Variants in HPGD observed in about 807,000 individuals in gnomAD.
HPGD encodes 15-hydroxyprostaglandin dehydrogenase [NAD(+)].
A neutral mutation model predicts 30.0 loss-of-function variants in HPGD; 29 were observed. The ratio of observed to expected loss-of-function variants is 0.97; its 90% confidence interval spans 0.72 to 1.32. The LOEUF is 1.32. Among genes scored for constraint, HPGD ranks in the 40% most tolerant of loss-of-function variants. The pLI, the probability that HPGD is intolerant of heterozygous loss-of-function variation, is 0.00. For missense variants in HPGD, 340 were observed against 322.1 expected (o/e 1.06, Z -0.43); for synonymous variants, 99 against 112.4 (o/e 0.88, Z 0.75).
rs189273380 is a variant in HPGD, at chr4:174,500,825, T to A, written c.422-5201A>T. 2.0e-5 allele frequency among the ~76,000 whole-genome samples: 3 copies of A among 152,320 alleles called. No homozygotes were observed. The East Asian group carries it at 5.8e-4, about 29-fold the overall frequency. ...TTATAGTGGTAGATATATGTTATTA[T>A]ACCTTTGTTCAAGCCTACAGATTGT... On this transcript the variant is annotated intron_variant, in intron 4 of 6. Transcript: ENST00000296522.
chr4:174,499,837 GA>G (rs1403028868), intron 4 of HPGD, among the ~76,000 whole-genome samples: 1 of 147,210 alleles, frequency 6.8e-6, no homozygotes, highest in Non-Finnish European at 1.5e-5. Flanking sequence ...AAACATGCTG[GA>G]AAACTCCAGA....
chr4:174,510,235 A>G (rs1735415901), intron 3 of HPGD, among the ~76,000 whole-genome samples: 1 of 152,036 alleles, frequency 6.6e-6, no homozygotes, highest in African/African-American at 2.4e-5. Flanking sequence ...AAAAAAGGAA[A>G]TTGGAGGTTC....
chr4:174,495,364 A>T, intron 5 of HPGD, 184 bp downstream of exon 5: 2 of 613,352 alleles, frequency 3.3e-6, no homozygotes, highest in Non-Finnish European at 5.8e-6. Context: ...CACTTCATTT[A>T]AAAATGATCT....
In HPGD at chr4:174,522,417, C is replaced by T; in HGVS notation, c.35G>A (p.Gly12Asp). 2 of 1,583,896 alleles carry T rather than the reference C, an allele frequency of 1.3e-6. No individual in the cohort carries two copies. The highest frequency in any genetic ancestry group is 1.1e-5 in the South Asian group (1 of 87,302). The change falls in exon 1 of 7, where the codon GGC becomes GAC. Residue 12 changes from glycine to aspartate, a missense_variant. Transcript: ENST00000296522. The stretch of plus-strand genomic sequence containing the variant: ...GGCTCTGCCTATGCCCTGAGCCGCG[C>T]CGGTCACCAGCGCCACTTTGCCGTT... The part of the protein sequence containing the change: ...HVNGKVALVT[G>D]AAQGIGRAFA...
intron 5 of HPGD, among the ~76,000 whole-genome samples, chr4:174,493,958 C>T (rs1308354096): frequency 6.6e-6 from 1 of 152,154 alleles, no homozygotes; most frequent in African/African-American, 2.4e-5. Flanking sequence ...TGTGGACATG[C>T]ACAGGGCAGT....
chr4:174,502,043 TG>T (rs1213046887), intron 4 of HPGD, among the ~76,000 whole-genome samples: 3 of 152,162 alleles, frequency 2.0e-5, no homozygotes, highest in African/African-American at 7.2e-5. Context: ...AAATAAATGG[TG>T]AATCTAAGGA....
intron 3 of HPGD, among the ~76,000 whole-genome samples, chr4:174,515,136 C>A (rs1735706137): frequency 6.6e-6 from 1 of 152,034 alleles, no homozygotes; most frequent in African/African-American, 2.4e-5. Context: ...AAACTACCAT[C>A]ATCATTTCCA....
intron 4 of HPGD, among the ~76,000 whole-genome samples, chr4:174,498,369 T>C (rs1734742647): frequency 1.3e-5 from 2 of 152,136 alleles, no homozygotes; most frequent in African/African-American, 4.8e-5. Flanking sequence ...ACAATAAAAC[T>C]GCACGTATTG....
At chr4:174,498,188 T>C (rs551368448) in intron 4 of HPGD, among the ~76,000 whole-genome samples, 41 of 152,140 alleles carry the variant, frequency 2.7e-4, no homozygotes, top group African/African-American at 9.6e-4. Flanking sequence ...GCTCAAGCAA[T>C]GCACCTGCCT....
At chr4:174,493,046 G>A in intron 6 of HPGD, 105 bp downstream of exon 6, 1 of 1,061,674 alleles carries the variant, frequency 9.4e-7, no homozygotes, top group South Asian at 1.7e-5. Context: ...TTTGAAGCTT[G>A]TGTTCATTTC....
intron 4 of HPGD, among the ~76,000 whole-genome samples, chr4:174,505,775 G>A (rs970354221): frequency 2.6e-5 from 4 of 152,146 alleles, no homozygotes; most frequent in East Asian, 3.9e-4. Flanking sequence ...CTGGAATTAC[G>A]AAGAGAGGGT....
rs1735315373 is a variant in HPGD at position 174,508,770 on chromosome 4, T to C, written c.347A>G (p.Tyr116Cys). Residue 116 changes from tyrosine to cysteine, a missense_variant, in exon 4 of 7, where the codon TAT becomes TGT. Tyr to Cys is a radical substitution (Grantham distance 194). Transcript: ENST00000296522. ...CTTACTCATGTAATCCAAACCAAGATAGGTTCCACTGATAACAGAAACCTA... is the reference window on the plus strand; with the variant it reads ...CTTACTCATGTAATCCAAACCAAGACAGGTTCCACTGATAACAGAAACCTA... ...INLVSVISGTYLGLDYMSKQN... is the reference protein window; with the variant it reads ...INLVSVISGTCLGLDYMSKQN... 2.5e-6 allele frequency: 4 copies of C among 1,600,424 alleles called. No individual in the cohort carries two copies. The highest frequency in any genetic ancestry group is 3.4e-6 in the Non-Finnish European group (4 of 1,167,956).
At chr4:174,508,095 A>C (rs764979679) in intron 4 of HPGD, 1 of 701,384 alleles carries the variant, frequency 1.4e-6, no homozygotes, top group South Asian at 1.5e-5. Flanking sequence ...GGAATCCAGC[A>C]GTTCTAAAGT....
At chr4:174,507,841 A>C (rs1285650695) in intron 4 of HPGD, 1 of 394,668 alleles carries the variant, frequency 2.5e-6, no homozygotes, top group Admixed American at 3.8e-5. Context: ...TACTACTCTG[A>C]AAATACTATA....
intron 4 of HPGD, among the ~76,000 whole-genome samples, chr4:174,497,881 T>TTC (rs1158301236): frequency 6.7e-6 from 1 of 148,800 alleles, no homozygotes; most frequent in South Asian, 2.1e-4. Flanking sequence ...CGGCCTCACT[T>TTC]TCTCTCTCTC....
intron 4 of HPGD, among the ~76,000 whole-genome samples, chr4:174,502,664 C>T (rs1347789049): frequency 1.7e-5 from 2 of 115,376 alleles, no homozygotes; most frequent in African/African-American, 3.4e-5. Context: ...GGCGACAGAG[C>T]GAGACTCCGT....
At chr4:174,498,057 T>C (rs936664958) in intron 4 of HPGD, among the ~76,000 whole-genome samples, 42 of 152,066 alleles carry the variant, frequency 2.8e-4, no homozygotes, top group African/African-American at 1.0e-3. Context: ...CAAGCAATCC[T>C]CCCATCTCAG....
At chr4:174,502,077 T>C (rs1043143005) in intron 4 of HPGD, among the ~76,000 whole-genome samples, 1 of 152,196 alleles carries the variant, frequency 6.6e-6, no homozygotes, top group Admixed American at 6.5e-5. Context: ...TATGATAACC[T>C]GGAGTTCTGT....
chr4:174,511,777 A>T, intron 3 of HPGD, among the ~76,000 whole-genome samples: 1 of 152,190 alleles, frequency 6.6e-6, no homozygotes, highest in Middle Eastern at 3.4e-3. Flanking sequence ...CTCCTGAATA[A>T]CTGGGACTAC....
Sources: allele counts gnomAD v4.1 joint callset (sites outside exome capture counted in the v4.1 genomes callset), GRCh38; gene constraint gnomAD v4.1.1; transcripts MANE v1.5; gene names NCBI Gene and HGNC (gene_info 2026-07-23, HGNC 2026-07-21).